RAP1GAP2: variants seen among roughly 807,000 people sequenced by gnomAD.
RAP1GAP2 encodes rap1 GTPase-activating protein 2.
RAP1GAP2 carries 27 observed loss-of-function variants against 95.0 expected under a neutral mutation model. The observed-to-expected ratio is 0.28, with a 90% confidence interval of 0.21 to 0.39. The LOEUF (loss-of-function observed/expected upper bound fraction) is 0.39, where lower values mean the gene tolerates loss of function less well. Among genes scored for constraint, RAP1GAP2 ranks in the 10% least tolerant of loss-of-function variants. The pLI is 1.00. For missense variants in RAP1GAP2, 771 were observed against 970.0 expected (o/e 0.79, Z 2.72); for synonymous variants, 373 against 380.9 (o/e 0.98, Z 0.24).
intron 2 of RAP1GAP2, among the ~76,000 whole-genome samples, chr17:2,886,032 T>C (rs1178738383): frequency 3.9e-5 from 6 of 152,044 alleles, no homozygotes; most frequent in Admixed American, 3.9e-4. Context: ...AGATGTCGCA[T>C]GAGAAGAGCA....
intron 2 of RAP1GAP2, among the ~76,000 whole-genome samples, chr17:2,804,001 A>T (rs2069408897): frequency 6.6e-6 from 1 of 152,250 alleles, no homozygotes; most frequent in South Asian, 2.1e-4. Context: ...AGAGTTCAGA[A>T]ATAAGCCCTT....
At chr17:3,023,800 C>T (rs2047024833) in intron 19 of RAP1GAP2, among the ~76,000 whole-genome samples, 1 of 151,936 alleles carries the variant, frequency 6.6e-6, no homozygotes. Context: ...TGCTTTCCCT[C>T]CCCTTACCCC....
intron 2 of RAP1GAP2, among the ~76,000 whole-genome samples, chr17:2,813,553 T>A (rs951701512): frequency 3.3e-5 from 5 of 152,228 alleles, no homozygotes; most frequent in Non-Finnish European, 7.3e-5. Flanking sequence ...TGGTAACATT[T>A]GAGGCTGGCT....
chr17:2,780,076 G>A (rs1314242761), intron 1 of RAP1GAP2, among the ~76,000 whole-genome samples: 2 of 152,106 alleles, frequency 1.3e-5, no homozygotes. Context: ...TTGAGATGGA[G>A]TTTCGCTCTT....
At chr17:2,840,512 G>C (rs1346368129) in intron 2 of RAP1GAP2, among the ~76,000 whole-genome samples, 1 of 152,036 alleles carries the variant, frequency 6.6e-6, no homozygotes, top group Non-Finnish European at 1.5e-5. Flanking sequence ...CATCTAAGGA[G>C]CAGGGCATTA....
At chr17:2,937,074 G>A (rs34822375) in intron 3 of RAP1GAP2, among the ~76,000 whole-genome samples, 25,271 of 152,202 alleles carry the variant, frequency 0.17, 2,534 homozygotes, top group African/African-American at 0.28. Flanking sequence ...TGTGTAGGAC[G>A]GGAGTACCAC....
At chr17:2,922,086 A>G (rs956218248) in intron 3 of RAP1GAP2, among the ~76,000 whole-genome samples, 1 of 152,206 alleles carries the variant, frequency 6.6e-6, no homozygotes, top group African/African-American at 2.4e-5. Context: ...AACAATAGCC[A>G]TTTATTTCTC....
chr17:2,910,878 T>C (rs564295062), intron 3 of RAP1GAP2, among the ~76,000 whole-genome samples: 1 of 152,264 alleles, frequency 6.6e-6, no homozygotes, highest in South Asian at 2.1e-4. Context: ...TTTGTATTTT[T>C]AGTAGAGATG....
chr17:2,778,926 T>TTA (rs1170527024), intron 1 of RAP1GAP2, among the ~76,000 whole-genome samples: 1 of 152,218 alleles, frequency 6.6e-6, no homozygotes, highest in Non-Finnish European at 1.5e-5. Context: ...AGGGAAGCAC[T>TTA]TACCCATTAG....
intron 2 of RAP1GAP2, among the ~76,000 whole-genome samples, chr17:2,816,430 C>T (rs1474924701): frequency 2.6e-5 from 4 of 151,958 alleles, no homozygotes; most frequent in Non-Finnish European, 5.9e-5. Context: ...CTCCGCCTTT[C>T]GGGTTCAAGC....
chr17:2,790,146 C>T (rs1000311613), intron 1 of RAP1GAP2, among the ~76,000 whole-genome samples: 1 of 151,868 alleles, frequency 6.6e-6, no homozygotes, highest in African/African-American at 2.4e-5. Flanking sequence ...TGGAGTCTCC[C>T]TCTGTCACCA....
chr17:2,935,850 C>T (rs191230012), intron 3 of RAP1GAP2, among the ~76,000 whole-genome samples: 200 of 152,246 alleles, frequency 1.3e-3, no homozygotes, highest in Non-Finnish European at 2.1e-3. Flanking sequence ...CTCTCTTCAC[C>T]GGATTGCAGC....
rs1016223794 is a variant in RAP1GAP2 at position 2,778,040 on chromosome 17, G to A, written c.-14+762G>A. Among the ~76,000 whole-genome samples, 6 of 149,826 alleles carry A rather than the reference G, an allele frequency of 4.0e-5. 1 individual carries two copies. Among genetic ancestry groups the A allele is most frequent in the African/African-American group, 1.5e-4 (6 of 40,618 alleles). On this transcript the variant is annotated intron_variant, in intron 1 of 24. Transcript: ENST00000540393. ...GGGGAGGCTGGGAGGCTGGGAGGCG[G>A]GGAGTGACTCAGGGTCTGTGAGGTC...
chr17:2,880,984 A>G (rs2073263467), intron 2 of RAP1GAP2, among the ~76,000 whole-genome samples: 1 of 150,002 alleles, frequency 6.7e-6, no homozygotes, highest in Non-Finnish European at 1.5e-5. Context: ...AAAATTAGCC[A>G]TGTGTGGTGA....
rs1230490788 is a variant in RAP1GAP2, at chr17:3,004,562, G to A, written c.1201-807G>A. On this transcript the variant is annotated intron_variant, in intron 14 of 24. Coordinates refer to ENST00000254695, the MANE Select transcript of RAP1GAP2 (RefSeq NM_015085.5). The surrounding 1 kb of genome is among the most constrained non-coding windows in gnomAD (Gnocchi z 4.1). ...CACCTCTGTGCAGAGGGAAGGCGGGGTGTGGGGCCCGTCCCACGCCTGGGC... is the reference window on the plus strand; with the variant it reads ...CACCTCTGTGCAGAGGGAAGGCGGGATGTGGGGCCCGTCCCACGCCTGGGC... Among the ~76,000 whole-genome samples, 1 of 152,278 alleles carries A rather than the reference G, an allele frequency of 6.6e-6. No individual in the cohort carries two copies. Among genetic ancestry groups the A allele is most frequent in the African/African-American group, 2.4e-5 (1 of 41,482 alleles).
At chr17:2,956,996 C>T (rs1323635633) in intron 3 of RAP1GAP2, among the ~76,000 whole-genome samples, 2 of 152,006 alleles carry the variant, frequency 1.3e-5, no homozygotes, top group East Asian at 1.9e-4. Flanking sequence ...GGCACGATGG[C>T]GGGCGCCTGT....
At chr17:2,858,364 G>A (rs1187051251) in intron 2 of RAP1GAP2, among the ~76,000 whole-genome samples, 2 of 152,038 alleles carry the variant, frequency 1.3e-5, no homozygotes, top group African/African-American at 2.4e-5. Flanking sequence ...CATACCTGGT[G>A]GGTTATTCCT....
At chr17:2,922,927 C>G (rs988444365) in intron 3 of RAP1GAP2, among the ~76,000 whole-genome samples, 4 of 149,948 alleles carry the variant, frequency 2.7e-5, no homozygotes, top group Non-Finnish European at 5.9e-5. Context: ...GTGGCACGAC[C>G]TTGGCTCATG....
intron 1 of RAP1GAP2, chr17:2,770,316 G>T (rs1222667090): frequency 2.5e-6 from 1 of 398,518 alleles, no homozygotes; most frequent in Non-Finnish European, 4.4e-6. Context: ...ACTCTCTCCT[G>T]TCCTGCCCAC....
Sources: allele counts gnomAD v4.1 joint callset (sites outside exome capture counted in the v4.1 genomes callset), GRCh38; gene constraint gnomAD v4.1.1; non-coding constraint Gnocchi (gnomAD v3.1); transcripts MANE v1.5; gene names NCBI Gene and HGNC (gene_info 2026-07-23, HGNC 2026-07-21).